Variants in LRRC7 observed in about 807,000 individuals in gnomAD.
The protein encoded by LRRC7 is leucine rich repeat containing 7.
Under a neutral mutation model 175.7 loss-of-function variants are expected in LRRC7, and 23 were observed. The observed-to-expected ratio is 0.13, with a 90% CI of 0.09 to 0.19. The LOEUF (loss-of-function observed/expected upper bound fraction) is 0.19, where lower values mean the gene tolerates loss of function less well. LRRC7 is among the 10% of genes least tolerant of loss of function. The pLI, the probability that LRRC7 is intolerant of heterozygous loss-of-function variation, is 1.00. For synonymous variants in LRRC7, 685 were observed against 680.9 expected (o/e 1.01, Z -0.09); for missense variants, 1,354 against 1,904.7 (o/e 0.71, Z 5.38).
chr1:70,034,942 C>CT (rs1277402047), intron 18 of LRRC7, among the ~76,000 whole-genome samples: 5 of 152,162 alleles, frequency 3.3e-5, no homozygotes, highest in Non-Finnish European at 2.9e-5. Flanking sequence ...GAGCATGTCA[C>CT]TATGGGGGTC....
chr1:69,583,449 A>T (rs138308499), intron 1 of LRRC7, among the ~76,000 whole-genome samples: 1 of 152,228 alleles, frequency 6.6e-6, no homozygotes, highest in African/African-American at 2.4e-5. Flanking sequence ...TTCAAGGGTA[A>T]CACAGTCACC....
intron 1 of LRRC7, among the ~76,000 whole-genome samples, chr1:69,601,570 G>T (rs1485967197): frequency 2.0e-5 from 3 of 152,034 alleles, no homozygotes; most frequent in Non-Finnish European, 2.9e-5. Flanking sequence ...AGTGTTATAG[G>T]CTCTTTTCAT....
intron 3 of LRRC7, among the ~76,000 whole-genome samples, chr1:69,764,095 G>T (rs1671339743): frequency 6.6e-6 from 1 of 151,936 alleles, no homozygotes. Flanking sequence ...GAAGTATTTT[G>T]ATTAGGAATA....
chr1:70,074,882 T>C (rs1662660837), intron 23 of LRRC7, among the ~76,000 whole-genome samples: 1 of 152,196 alleles, frequency 6.6e-6, no homozygotes. Flanking sequence ...TAATTAAATT[T>C]AATCTCTTCC....
At chr1:70,032,410 C>T (rs1407614505) in intron 18 of LRRC7, among the ~76,000 whole-genome samples, 1 of 151,462 alleles carries the variant, frequency 6.6e-6, no homozygotes, top group Non-Finnish European at 1.5e-5. Flanking sequence ...AAAAAAAGCA[C>T]AAAACAGAAA....
chr1:70,040,659 A>G lies in LRRC7; in HGVS notation c.3969+866A>G, dbSNP rs942709177. Among the ~76,000 whole-genome samples the G allele has an allele frequency of 4.6e-5, 7 of 152,042 alleles. No homozygotes were observed. In the South Asian group the frequency reaches 1.0e-3, roughly 23 times the overall value. ...AACCCCATCTCTACTTAAAATACAA[A>G]AAAAATTGGCCAGGCATGGTGGCGC... On this transcript the variant is annotated intron_variant, in intron 21 of 26. Transcript: ENST00000651989.
At chr1:70,033,207 G>T (rs1658948868) in intron 18 of LRRC7, among the ~76,000 whole-genome samples, 2 of 152,004 alleles carry the variant, frequency 1.3e-5, no homozygotes, top group Admixed American at 6.6e-5. Context: ...TCAAATCTTG[G>T]CTTTACCACT....
intron 1 of LRRC7, among the ~76,000 whole-genome samples, chr1:69,676,007 G>GCACACACACA (rs57846147): frequency 2.4e-4 from 35 of 147,556 alleles, no homozygotes; most frequent in Middle Eastern, 3.4e-3. Flanking sequence ...ATGAGTGCAT[G>GCACACACACA]CACACACACA....
intron 1 of LRRC7, among the ~76,000 whole-genome samples, chr1:69,673,016 T>C (rs1229513158): frequency 6.6e-6 from 1 of 152,218 alleles, no homozygotes; most frequent in African/African-American, 2.4e-5. Context: ...TCTGTGTTAA[T>C]AGACAACTTT....
At position 69,696,743 on chromosome 1, in the gene LRRC7, G is replaced by A. The variant is rs192714368; in HGVS notation, c.100+18265G>A. 4.6e-5 allele frequency among the ~76,000 whole-genome samples: 7 copies of A among 152,162 alleles called. No individual in the cohort carries two copies. In the East Asian group the frequency reaches 1.2e-3, roughly 25 times the overall value. ...TTCCTGCTCTGAGTTCATGTGAGAC[G>A]TGATTGTTTAAAATCACTCTCTCTT... On this transcript the variant is annotated intron_variant, in intron 2 of 26. Transcript: ENST00000651989.
At position 69,987,106 on chromosome 1, in the gene LRRC7, T is replaced by G. The variant is rs1654003128; in HGVS notation, c.931+720T>G. Reference sequence around the variant, plus strand: ...AAAATACAAAAAGTACCGGGCATGGTGGTGCATGCCTGTAGTCCCAGCTAC... The same window carrying G: ...AAAATACAAAAAGTACCGGGCATGGGGGTGCATGCCTGTAGTCCCAGCTAC... On this transcript the variant is annotated intron_variant, in intron 10 of 26. Coordinates refer to ENST00000651989, the MANE Select transcript of LRRC7 (RefSeq NM_001370785.2). 5.9e-5 allele frequency among the ~76,000 whole-genome samples: 9 copies of G among 152,044 alleles called. No individual in the cohort carries two copies. In the South Asian group the frequency reaches 1.9e-3, roughly 32 times the overall value.
chr1:69,723,658 T>C (rs71651426), intron 2 of LRRC7, among the ~76,000 whole-genome samples: 11,995 of 152,230 alleles, frequency 0.079, 556 homozygotes, highest in East Asian at 0.14. Context: ...TGGGTTGTTA[T>C]AACAAAATGC....
rs723996 is a variant in LRRC7 at position 69,649,180 on chromosome 1, C to T, written c.3-29201C>T. Reference sequence around the variant, plus strand: ...GCTTCACCACTCACCAGTTACATGACGTACAAGTTACTTTACTTTTTGTTG... The same window carrying T: ...GCTTCACCACTCACCAGTTACATGATGTACAAGTTACTTTACTTTTTGTTG... On this transcript the variant is annotated intron_variant, in intron 1 of 26. Coordinates refer to ENST00000651989, the MANE Select transcript of LRRC7 (RefSeq NM_001370785.2). Among the ~76,000 whole-genome samples the T allele has an allele frequency of 5.9e-3, 892 of 152,290 alleles. 9 individuals carry two copies. Among genetic ancestry groups the T allele is most frequent in the African/African-American group, 0.02 (845 of 41,558 alleles).
chr1:70,006,819 T>C (rs1472665794), intron 11 of LRRC7, among the ~76,000 whole-genome samples: 1 of 152,114 alleles, frequency 6.6e-6, no homozygotes, highest in Non-Finnish European at 1.5e-5. Context: ...CTTGCTAGAA[T>C]GGCTCACAAA....
At chr1:70,021,820 T>G (rs1194596088) in intron 16 of LRRC7, among the ~76,000 whole-genome samples, 1 of 152,210 alleles carries the variant, frequency 6.6e-6, no homozygotes, top group African/African-American at 2.4e-5. Flanking sequence ...CAGAATTGAT[T>G]TAGATTTTCT....
chr1:69,815,215 T>G (rs1444813307), intron 4 of LRRC7, among the ~76,000 whole-genome samples: 1 of 152,172 alleles, frequency 6.6e-6, no homozygotes, highest in Non-Finnish European at 1.5e-5. Context: ...GTTACATTTC[T>G]TCCTTAATAC....
chr1:69,856,927 G>A (rs1683714155), intron 7 of LRRC7, among the ~76,000 whole-genome samples: 1 of 152,136 alleles, frequency 6.6e-6, no homozygotes, highest in Non-Finnish European at 1.5e-5. Context: ...GATCAAGTGG[G>A]CTTCATCCCT....
At chr1:69,644,255 G>T (rs1654668914) in intron 1 of LRRC7, among the ~76,000 whole-genome samples, 1 of 151,936 alleles carries the variant, frequency 6.6e-6, no homozygotes. Flanking sequence ...GAGAGATATT[G>T]TGTTTTTTAA....
chr1:69,909,388 T>A (rs2101695408), intron 7 of LRRC7, among the ~76,000 whole-genome samples: 1 of 152,336 alleles, frequency 6.6e-6, no homozygotes, highest in South Asian at 2.1e-4. Context: ...CATTTTGGCA[T>A]GTTTTTGCAG....
Sources: allele counts gnomAD v4.1 joint callset (sites outside exome capture counted in the v4.1 genomes callset), GRCh38; gene constraint gnomAD v4.1.1; transcripts MANE v1.5; gene names NCBI Gene and HGNC (gene_info 2026-07-23, HGNC 2026-07-21).